The following EFCAB6 variants were observed in gnomAD, a reference collection of about 807,000 sequenced individuals.
EFCAB6 encodes the protein EF-hand calcium binding domain 6.
A neutral mutation model predicts 169.8 loss-of-function variants in EFCAB6; 156 were observed. The ratio of observed to expected loss-of-function variants is 0.92; its 90% CI spans 0.81 to 1.05. The LOEUF is 1.05. Among genes scored for constraint, EFCAB6 ranks in the 50% least tolerant of loss-of-function variants. EFCAB6 has a pLI of 0.00. For synonymous variants in EFCAB6, 698 were observed against 676.4 expected, an observed-to-expected ratio of 1.03 and a Z score of -0.50; for missense variants, 1,800 against 1,829.1, an observed-to-expected ratio of 0.98 and a Z score of 0.29.
Position 43,555,031 on chromosome 22 carries a change from G to A in EFCAB6, c.3486C>T (p.Ala1162=), listed in dbSNP as rs371905768. The A allele has an allele frequency of 8.7e-6, 14 of 1,614,112 alleles. No homozygotes were observed. Among genetic ancestry groups the A allele is most frequent in the South Asian group, 3.3e-5 (3 of 91,088 alleles). The change falls in exon 27 of 32, where the codon GCC becomes GCT. Residue 1162 remains alanine (A), a synonymous_variant. Transcript: ENST00000262726. Reference sequence around the variant, plus strand: ...GGAGGCGAGCCAGGATGTCTCTGTCGGCTGTGGCCTTGGGAGAGGTAGGCG... The same window carrying A: ...GGAGGCGAGCCAGGATGTCTCTGTCAGCTGTGGCCTTGGGAGAGGTAGGCG... The part of the protein sequence containing the change: ...GPPPTSPKAT[A]DRDILARLHK...
intron 17 of EFCAB6, among the ~76,000 whole-genome samples, chr22:43,663,884 G>A (rs743799): frequency 0.019 from 2,919 of 152,274 alleles, 99 homozygotes; most frequent in African/African-American, 0.067. Context: ...TCCAGCCTCC[G>A]GAATTGTGAG....
At chr22:43,647,828 G>A (rs2056258317) in intron 17 of EFCAB6, among the ~76,000 whole-genome samples, 1 of 152,346 alleles carries the variant, frequency 6.6e-6, no homozygotes, top group Non-Finnish European at 1.5e-5. Context: ...ACAGGCCGAG[G>A]GATGCCGGAT....
intron 16 of EFCAB6, among the ~76,000 whole-genome samples, chr22:43,668,328 A>G (rs2146942112): frequency 6.6e-6 from 1 of 152,362 alleles, no homozygotes; most frequent in Non-Finnish European, 1.5e-5. Context: ...CTAAACCTGT[A>G]TTTTTAAAAT....
At position 43,529,402 on chromosome 22, in the gene EFCAB6, G is replaced by A. The variant is rs371381216; in HGVS notation, c.4384-427C>T. 6.6e-5 allele frequency among the ~76,000 whole-genome samples: 10 copies of A among 152,296 alleles called. No homozygotes were observed. In the East Asian group the frequency reaches 1.4e-3, roughly 21 times the overall value. On this transcript the variant is annotated intron_variant, in intron 31 of 31. Transcript: ENST00000262726. ...TGCAGAGAGTTGCTGTGATAAGACC[G>A]TAACAGAGCCTGGAGCAGAGCCTGC...
intron 3 of EFCAB6, among the ~76,000 whole-genome samples, chr22:43,775,689 C>T (rs2061617815): frequency 6.6e-6 from 1 of 152,206 alleles, no homozygotes; most frequent in African/African-American, 2.4e-5. Context: ...GGTGATCCAC[C>T]CGCCTCGGCC....
intron 6 of EFCAB6, among the ~76,000 whole-genome samples, chr22:43,747,446 G>A (rs140227103): frequency 1.3e-5 from 2 of 152,326 alleles, no homozygotes; most frequent in Non-Finnish European, 2.9e-5. Context: ...GTGGTTAACT[G>A]TATGTAGAGG....
chr22:43,756,916 CCAGGG>C (rs2060975956), intron 5 of EFCAB6, among the ~76,000 whole-genome samples: 1 of 152,070 alleles, frequency 6.6e-6, no homozygotes, highest in African/African-American at 2.4e-5. Context: ...TCAGCAGACC[CCAGGG>C]TCAGCAGGAA....
intron 2 of EFCAB6, among the ~76,000 whole-genome samples, chr22:43,798,275 T>A (rs1216363163): frequency 6.6e-6 from 1 of 151,806 alleles, no homozygotes; most frequent in African/African-American, 2.4e-5. Context: ...TCCCAGTTAC[T>A]TGGGAGGCGG....
intron 28 of EFCAB6, 107 bp downstream of exon 28, chr22:43,540,020 T>C (rs2047604698): frequency 1.6e-6 from 2 of 1,258,318 alleles, no homozygotes; most frequent in Admixed American, 4.1e-5. Context: ...ACCCGTCTTC[T>C]CAGCCACTCA....
intron 10 of EFCAB6, among the ~76,000 whole-genome samples, chr22:43,706,359 T>C (rs2058960552): frequency 6.6e-6 from 1 of 152,220 alleles, no homozygotes; most frequent in Non-Finnish European, 1.5e-5. Flanking sequence ...TAGTTCCTCT[T>C]TGTTATTCTC....
intron 22 of EFCAB6, among the ~76,000 whole-genome samples, chr22:43,603,547 T>C (rs2052686846): frequency 6.6e-6 from 1 of 152,276 alleles, no homozygotes; most frequent in Non-Finnish European, 1.5e-5. Context: ...AATTTGAGTA[T>C]GTTCACATTG....
intron 10 of EFCAB6, among the ~76,000 whole-genome samples, chr22:43,690,838 C>T (rs1362454339): frequency 6.6e-6 from 1 of 151,872 alleles, no homozygotes; most frequent in Non-Finnish European, 1.5e-5. Flanking sequence ...AATTCTACTC[C>T]TCTTTCAGGT....
chr22:43,771,460 A>T (rs558771613), intron 4 of EFCAB6, among the ~76,000 whole-genome samples: 38 of 152,214 alleles, frequency 2.5e-4, no homozygotes, highest in Admixed American at 4.6e-4. Context: ...TAATTAATTT[A>T]AAAAAACTAA....
In EFCAB6 at chr22:43,796,569, G is replaced by A. The variant is rs6006445; in HGVS notation, c.-8+12426C>T. On this transcript the variant is annotated intron_variant, in intron 2 of 31. Coordinates refer to ENST00000262726, the MANE Select transcript of EFCAB6 (RefSeq NM_022785.4). ...CTGATGTGATGACAGACACAGATAC[G>A]GCAACCGAGAAAAAACAAGTCGTGT... Among the ~76,000 whole-genome samples the A allele has an allele frequency of 2.8e-3, 432 of 151,838 alleles. 2 individuals are homozygous for A. The highest frequency in any genetic ancestry group is 9.9e-3 in the African/African-American group (409 of 41,388).
At chr22:43,615,638 C>T (rs1316959977) in intron 21 of EFCAB6, among the ~76,000 whole-genome samples, 188 bp downstream of exon 21, 1 of 152,182 alleles carries the variant, frequency 6.6e-6, no homozygotes, top group Admixed American at 6.5e-5. Flanking sequence ...CTTTCTAAAC[C>T]TCACTTGACC....
intron 2 of EFCAB6, among the ~76,000 whole-genome samples, chr22:43,797,602 T>C (rs764407114): frequency 4.2e-4 from 64 of 151,792 alleles, no homozygotes; most frequent in Admixed American, 7.2e-4. Context: ...CTCAATCCAA[T>C]ACACACACAC....
At chr22:43,802,822 G>A (rs2062773785) in intron 2 of EFCAB6, 1 of 435,790 alleles carries the variant, frequency 2.3e-6, no homozygotes, top group East Asian at 5.7e-5. Flanking sequence ...TGACTGTACA[G>A]TTTGAAATAC....
intron 27 of EFCAB6, among the ~76,000 whole-genome samples, chr22:43,541,378 T>C (rs182485063): frequency 2.6e-5 from 4 of 152,310 alleles, no homozygotes; most frequent in Admixed American, 2.0e-4. Flanking sequence ...TCTCAATTTA[T>C]CTTTTTACTT....
intron 7 of EFCAB6, 119 bp downstream of exon 7, chr22:43,735,738 G>A: frequency 8.5e-7 from 1 of 1,180,302 alleles, no homozygotes. Flanking sequence ...GAAATAAGGT[G>A]TGTGTGTGTG....
Sources: allele counts gnomAD v4.1 joint callset (sites outside exome capture counted in the v4.1 genomes callset), GRCh38; gene constraint gnomAD v4.1.1; transcripts MANE v1.5; gene names NCBI Gene and HGNC (gene_info 2026-07-23, HGNC 2026-07-21).